The following FANCC variants were observed in gnomAD, a reference collection of about 807,000 sequenced individuals.
The protein encoded by FANCC is Fanconi anemia group C protein.
A neutral mutation model predicts 71.3 loss-of-function variants in FANCC; 55 were observed. The observed-to-expected ratio is 0.77, with a 90% confidence interval of 0.62 to 0.97. The LOEUF is 0.97. Among genes scored for constraint, FANCC ranks in the 50% least tolerant of loss-of-function variants. The probability of loss-of-function intolerance (pLI) is 0.00; values close to 1 mark genes in which losing one functional copy is unlikely to be tolerated. For missense variants in FANCC, 678 were observed against 670.9 expected (o/e 1.01, Z -0.12); for synonymous variants, 275 against 244.9 (o/e 1.12, Z -1.15).
intron 7 of FANCC, among the ~76,000 whole-genome samples, chr9:95,138,921 C>CAGA (rs1828146782): frequency 6.6e-6 from 1 of 152,200 alleles, no homozygotes; most frequent in Non-Finnish European, 1.5e-5. Flanking sequence ...AGCCTTGATT[C>CAGA]AGAGCACACC....
chr9:95,224,938 G>T (rs914490917), intron 4 of FANCC, among the ~76,000 whole-genome samples: 14 of 152,106 alleles, frequency 9.2e-5, no homozygotes, highest in Non-Finnish European at 1.5e-4. Context: ...GCTTTTAAAA[G>T]ACCTGGAAAT....
At chr9:95,139,834 TTATATATATATA>T (rs539221326) in intron 7 of FANCC, among the ~76,000 whole-genome samples, 2 of 143,164 alleles carry the variant, frequency 1.4e-5, no homozygotes, top group Admixed American at 1.4e-4. Context: ...ATATATATAT[TTATATATATATA>T]TATATAAATA....
chr9:95,292,350 G>A (rs1280427493), intron 1 of FANCC: 70 of 937,248 alleles, frequency 7.5e-5, no homozygotes, highest in Non-Finnish European at 8.7e-5. Context: ...GGCGGCCTCG[G>A]AGGCGGTGGC....
intron 6 of FANCC, among the ~76,000 whole-genome samples, chr9:95,169,980 CT>C (rs1458873527): frequency 1.3e-5 from 2 of 151,928 alleles, no homozygotes; most frequent in Non-Finnish European, 2.9e-5. Flanking sequence ...CATTCTGATC[CT>C]TTGTTTCTAT....
intron 4 of FANCC, among the ~76,000 whole-genome samples, chr9:95,188,500 C>T (rs781342668): frequency 6.6e-6 from 1 of 152,130 alleles, no homozygotes; most frequent in Non-Finnish European, 1.5e-5. Flanking sequence ...CTGCTTGGTC[C>T]CATAAAGAAG....
At chr9:95,315,829 C>A (rs575023087) in intron 1 of FANCC, among the ~76,000 whole-genome samples, 1 of 152,344 alleles carries the variant, frequency 6.6e-6, no homozygotes, top group Admixed American at 6.5e-5. Flanking sequence ...GCTGGCCTCC[C>A]TGTAGCTGGT....
At chr9:95,185,009 T>C (rs1435634620) in intron 4 of FANCC, among the ~76,000 whole-genome samples, 2 of 152,256 alleles carry the variant, frequency 1.3e-5, no homozygotes, top group Non-Finnish European at 2.9e-5. Context: ...ACAGTTTCAC[T>C]GATAACTCTT....
intron 1 of FANCC, among the ~76,000 whole-genome samples, chr9:95,273,632 A>G (rs922264157): frequency 1.3e-5 from 2 of 152,160 alleles, no homozygotes; most frequent in African/African-American, 4.8e-5. Flanking sequence ...CCCAGCTTGC[A>G]CGTCTTTTAT....
At chr9:95,291,947 C>CAAAAAAAAA (rs775436297) in intron 1 of FANCC, among the ~76,000 whole-genome samples, 2 of 40,828 alleles carry the variant, frequency 4.9e-5, no homozygotes, top group East Asian at 7.4e-4. Flanking sequence ...GACTCTGTCT[C>CAAAAAAAAA]AAAAAAAAAA....
chr9:95,184,126 T>A (rs1203976821), intron 4 of FANCC, among the ~76,000 whole-genome samples: 1 of 152,054 alleles, frequency 6.6e-6, no homozygotes, highest in Non-Finnish European at 1.5e-5. Flanking sequence ...CCCCCTTTTT[T>A]TAATGTAAAC....
intron 1 of FANCC, among the ~76,000 whole-genome samples, chr9:95,301,975 G>A (rs1340773580): frequency 3.3e-5 from 5 of 150,442 alleles, no homozygotes; most frequent in South Asian, 4.2e-4. Context: ...CCAGCTACTC[G>A]GGAGGCTGAG....
chr9:95,152,065 G>T lies in FANCC; in HGVS notation c.522-1978C>A, dbSNP rs556066718. Among the ~76,000 whole-genome samples, 107 of 152,072 alleles carry T rather than the reference G, an allele frequency of 7.0e-4. 3 individuals are homozygous for T. In the South Asian group the frequency reaches 0.021, roughly 30 times the overall value. The stretch of plus-strand genomic sequence containing the variant: ...CTTGCAAATTTAACGGACAAAAATT[G>T]CTATTTCTTTGCCTTAATTTGCATT... On this transcript the variant is annotated intron_variant, in intron 6 of 14. Transcript: ENST00000289081.
At position 95,111,352 on chromosome 9, in the gene FANCC, G is replaced by A. The variant is rs527823099; in HGVS notation, c.1329+111C>T. ...TTGCCATGACATATGCCATCTGTGG[G>A]CAGAGCTCAGGTGTCATGGAAGCCA... is the stretch of plus-strand genomic sequence containing the variant. On this transcript the variant is annotated intron_variant, in intron 13 of 14. Transcript: ENST00000289081. 9.1e-5 allele frequency: 145 copies of A among 1,598,186 alleles called. No homozygotes were observed. The African/African-American group carries it at 1.7e-3, about 19-fold the overall frequency.
At chr9:95,160,618 C>T (rs1406872722) in intron 6 of FANCC, among the ~76,000 whole-genome samples, 8 of 152,130 alleles carry the variant, frequency 5.3e-5, no homozygotes, top group Non-Finnish European at 1.0e-4. Context: ...TTACCTTGGG[C>T]AGTATGGCCA....
intron 6 of FANCC, among the ~76,000 whole-genome samples, chr9:95,160,032 T>C (rs915060185): frequency 6.6e-6 from 1 of 152,210 alleles, no homozygotes; most frequent in African/African-American, 2.4e-5. Flanking sequence ...TTTAGTTTAA[T>C]TAGATCCCAT....
At chr9:95,270,012 C>G (rs1276011124) in intron 1 of FANCC, among the ~76,000 whole-genome samples, 3 of 152,154 alleles carry the variant, frequency 2.0e-5, no homozygotes, top group African/African-American at 7.2e-5. Context: ...CCATTCCACT[C>G]TGAGTTGACA....
At chr9:95,254,449 T>C (rs1457352752) in intron 1 of FANCC, among the ~76,000 whole-genome samples, 1 of 151,838 alleles carries the variant, frequency 6.6e-6, no homozygotes, top group Non-Finnish European at 1.5e-5. Context: ...CCAGGTGGGG[T>C]GTCACCTCAC....
At chr9:95,308,404 C>T (rs947720939) in intron 1 of FANCC, among the ~76,000 whole-genome samples, 1 of 152,112 alleles carries the variant, frequency 6.6e-6, no homozygotes, top group Admixed American at 6.6e-5. Flanking sequence ...GTACTTCCAC[C>T]TCCCAAGTAG....
intron 1 of FANCC, chr9:95,292,532 G>A: frequency 6.7e-7 from 1 of 1,492,970 alleles, no homozygotes; most frequent in Non-Finnish European, 9.0e-7. Flanking sequence ...TGCTGGCGGG[G>A]GAGCTGATCC....
Sources: allele counts gnomAD v4.1 joint callset (sites outside exome capture counted in the v4.1 genomes callset), GRCh38; gene constraint gnomAD v4.1.1; transcripts MANE v1.5; gene names NCBI Gene and HGNC (gene_info 2026-07-23, HGNC 2026-07-21).